Variants in ABI2 observed in about 807,000 individuals in gnomAD.
ABI2 encodes abl interactor 2.
In ABI2, 25 loss-of-function variants were observed where a neutral mutation model predicts 59.2. The ratio of observed to expected loss-of-function variants is 0.42; its 90% CI spans 0.31 to 0.59. The LOEUF (loss-of-function observed/expected upper bound fraction) is 0.59. Among genes scored for constraint, ABI2 ranks in the 20% least tolerant of loss-of-function variants. The pLI is 0.14. For synonymous variants in ABI2, 213 were observed against 235.5 expected (o/e 0.90, Z 0.87); for missense variants, 545 against 681.8 (o/e 0.80, Z 2.23).
chr2:203,355,779 C>A (rs1042971586), intron 1 of ABI2, among the ~76,000 whole-genome samples: 1 of 142,674 alleles, frequency 7.0e-6, no homozygotes, highest in East Asian at 2.0e-4. Flanking sequence ...TGCTGTGAGC[C>A]GAGATTACGC....
chr2:203,381,306 T>C (rs2096110450), intron 3 of ABI2, among the ~76,000 whole-genome samples: 1 of 152,248 alleles, frequency 6.6e-6, no homozygotes, highest in Non-Finnish European at 1.5e-5. Flanking sequence ...AGACAGGGTC[T>C]CACTCTGTCA....
chr2:203,409,207 T>C (rs1414377476), intron 9 of ABI2, among the ~76,000 whole-genome samples: 1 of 152,208 alleles, frequency 6.6e-6, no homozygotes, highest in Non-Finnish European at 1.5e-5. Context: ...TCAACAGTTG[T>C]TGTAAGCCTC....
At chr2:203,366,075 TC>T (rs1383799935) in intron 1 of ABI2, among the ~76,000 whole-genome samples, 18 of 152,182 alleles carry the variant, frequency 1.2e-4, no homozygotes, top group African/African-American at 4.1e-4. Flanking sequence ...TTCTTAGACA[TC>T]ATTAATGGAT....
chr2:203,409,184 T>C (rs1041146036), intron 9 of ABI2, among the ~76,000 whole-genome samples: 4 of 152,138 alleles, frequency 2.6e-5, no homozygotes, highest in Non-Finnish European at 5.9e-5. Context: ...TTGGAAACAG[T>C]ATTATGAACA....
chr2:203,328,455 C>T lies in ABI2; in HGVS notation c.-60C>T. 1 of 1,392,528 alleles carries T rather than the reference C, an allele frequency of 7.2e-7. No individual in the cohort carries two copies. The highest frequency in any genetic ancestry group is 9.9e-7 in the Non-Finnish European group (1 of 1,011,134). 86.3% of individuals were successfully genotyped at this position (1,392,528 alleles called of 1,614,324 possible). A position where few individuals can be genotyped will look rare whatever the true frequency, so the allele number is the denominator to read the frequency against. ...CTCTCCCGGTCCTGGGTTTCCTTGG[C>T]GCTGCGGCCGCCGCTCCCTCTGCGA... On this transcript the variant is annotated 5_prime_UTR_variant, in exon 1 of 12. Transcript: ENST00000261018.
chr2:203,348,185 G>C (rs2084961507), intron 1 of ABI2, among the ~76,000 whole-genome samples: 1 of 152,198 alleles, frequency 6.6e-6, no homozygotes, highest in Non-Finnish European at 1.5e-5. Context: ...AGGTTGCAGT[G>C]AGCAGAGATC....
intron 5 of ABI2, chr2:203,394,499 G>C: frequency 3.6e-6 from 2 of 552,444 alleles, no homozygotes; most frequent in Non-Finnish European, 6.3e-6. Flanking sequence ...TGAGGTTGGA[G>C]ACTGAAAAAT....
chr2:203,334,463 T>C (rs1022476389), intron 1 of ABI2, among the ~76,000 whole-genome samples: 3 of 152,162 alleles, frequency 2.0e-5, no homozygotes, highest in African/African-American at 7.2e-5. Flanking sequence ...TTTCAGGGTG[T>C]GTAAGGTAAT....
chr2:203,385,281 G>A (rs1254692482), intron 4 of ABI2, among the ~76,000 whole-genome samples: 2 of 151,178 alleles, frequency 1.3e-5, no homozygotes, highest in African/African-American at 2.4e-5. Context: ...ACAGGCGCCC[G>A]CCACCTCGCC....
chr2:203,340,029 ATAT>A (rs1298367983), intron 1 of ABI2, among the ~76,000 whole-genome samples: 2 of 152,250 alleles, frequency 1.3e-5, no homozygotes, highest in Non-Finnish European at 2.9e-5. Context: ...ATGTAATAGA[ATAT>A]TATTCAGCCA....
intron 8 of ABI2, among the ~76,000 whole-genome samples, chr2:203,398,883 A>G (rs752566574): frequency 1.3e-5 from 2 of 152,080 alleles, no homozygotes; most frequent in South Asian, 2.1e-4. Context: ...TAAGTATTTC[A>G]TTACATTTTA....
chr2:203,373,875 T>C (rs2095492339), intron 2 of ABI2, among the ~76,000 whole-genome samples: 2 of 152,228 alleles, frequency 1.3e-5, no homozygotes, highest in South Asian at 4.1e-4. Context: ...CTAAAAACTT[T>C]AGGCTGGGTG....
intron 9 of ABI2, among the ~76,000 whole-genome samples, chr2:203,405,769 A>G (rs77058822): frequency 0.038 from 5,727 of 152,074 alleles, 350 homozygotes; most frequent in African/African-American, 0.13. Context: ...AAGTGAGCTG[A>G]CAATCTTTGG....
At chr2:203,351,547 T>TC (rs1553542637) in intron 1 of ABI2, 98 of 430,636 alleles carry the variant, frequency 2.3e-4, no homozygotes, top group South Asian at 1.6e-3. Context: ...TTTTTTTTTT[T>TC]CCTTTAGAGA....
chr2:203,357,677 T>TA (rs2092494789), intron 1 of ABI2, among the ~76,000 whole-genome samples: 1 of 152,252 alleles, frequency 6.6e-6, no homozygotes, highest in African/African-American at 2.4e-5. Context: ...CAGTATATGT[T>TA]AAATGATTAA....
In ABI2 at chr2:203,431,865, G is replaced by T. The variant is rs1181060405; in HGVS notation, c.*4513G>T. 2 of 152,132 alleles carry T rather than the reference G, an allele frequency of 1.3e-5. No homozygotes were observed. The highest frequency in any genetic ancestry group is 2.9e-5 in the Non-Finnish European group (2 of 68,014). 9.4% of individuals were successfully genotyped at this position (152,132 alleles called of 1,614,324 possible). A position where few individuals can be genotyped will look rare whatever the true frequency, so the allele number is the denominator to read the frequency against. On this transcript the variant is annotated 3_prime_UTR_variant, in exon 12 of 12. Coordinates refer to ENST00000261018, the MANE Select transcript of ABI2 (RefSeq NM_001375670.1). ...AACTTAAGAATTCTATGGAAAAGCA[G>T]TTTTTATCATATTTTGTGTCCATGC...
rs548902199 is a variant in ABI2 at position 203,428,930 on chromosome 2, G to C, written c.*1578G>C. The C allele has an allele frequency of 6.6e-6, 1 of 152,336 alleles. No homozygotes were observed. The highest frequency in any genetic ancestry group is 6.5e-5 in the Admixed American group (1 of 15,304). 9.4% of individuals were successfully genotyped at this position (152,336 alleles called of 1,614,324 possible). ...GAGGTTTTGAACAAGTTCAGAAAGTGGAACTTGATTGAAAAGTGAACAAGT... is the reference window on the plus strand; with the variant it reads ...GAGGTTTTGAACAAGTTCAGAAAGTCGAACTTGATTGAAAAGTGAACAAGT... On this transcript the variant is annotated 3_prime_UTR_variant, in exon 12 of 12. Coordinates refer to ENST00000261018, the MANE Select transcript of ABI2 (RefSeq NM_001375670.1).
chr2:203,329,601 C>T (rs1226825171), intron 1 of ABI2, among the ~76,000 whole-genome samples: 1 of 151,108 alleles, frequency 6.6e-6, no homozygotes, highest in East Asian at 1.9e-4. Context: ...TGGGTTCTGC[C>T]TCCATTTTTT....
rs2096923614 is a variant in ABI2, at chr2:203,395,222, TACTC to T, written c.725+378_725+381del. ...TCAGAGTATGATTATTAATTAAAAT[TACTC>T]AAATCTGTTTAGGAAAATGTTTTTG... On this transcript the variant is annotated intron_variant, in intron 6 of 11. Coordinates refer to ENST00000261018, the MANE Select transcript of ABI2 (RefSeq NM_001375670.1). The T allele has an allele frequency of 8.6e-6, 5 of 579,070 alleles. No homozygotes were observed. In the South Asian group the frequency reaches 1.2e-4, roughly 14 times the overall value. 35.9% of individuals were successfully genotyped at this position (579,070 alleles called of 1,614,324 possible).
Sources: allele counts gnomAD v4.1 joint callset (sites outside exome capture counted in the v4.1 genomes callset), GRCh38; gene constraint gnomAD v4.1.1; transcripts MANE v1.5; gene names NCBI Gene and HGNC (gene_info 2026-07-23, HGNC 2026-07-21).